Variants in RALYL observed in about 807,000 individuals in gnomAD.
RALYL encodes RALY RNA binding protein like.
RALYL carries 29 observed loss-of-function variants against 35.1 expected under a neutral mutation model. The observed-to-expected ratio is 0.83, with a 90% CI of 0.61 to 1.13. The LOEUF (loss-of-function observed/expected upper bound fraction) is 1.13, where lower values mean the gene tolerates loss of function less well. RALYL is among the 50% of genes most tolerant of loss of function. RALYL has a pLI of 0.00. For missense variants in RALYL, 359 were observed against 360.4 expected (o/e 1.00, Z 0.03); for synonymous variants, 120 against 127.6 (o/e 0.94, Z 0.40).
At chr8:84,584,681 G>A (rs928667537) in intron 2 of RALYL, among the ~76,000 whole-genome samples, 6 of 151,738 alleles carry the variant, frequency 4.0e-5, no homozygotes, top group Non-Finnish European at 4.4e-5. Flanking sequence ...TGAATATTTA[G>A]GTGTGTCTTT....
chr8:84,783,481 C>G (rs1818674443), intron 3 of RALYL, among the ~76,000 whole-genome samples: 1 of 152,176 alleles, frequency 6.6e-6, no homozygotes, highest in Admixed American at 6.5e-5. Context: ...AGAGGATTGA[C>G]AGCACCATTT....
chr8:84,674,793 C>T (rs1212351305), intron 2 of RALYL, among the ~76,000 whole-genome samples: 1 of 152,074 alleles, frequency 6.6e-6, no homozygotes, highest in Non-Finnish European at 1.5e-5. Context: ...TACTTGCTTA[C>T]TAGGTTATTA....
intron 2 of RALYL, among the ~76,000 whole-genome samples, chr8:84,636,867 G>C (rs1482408147): frequency 6.6e-6 from 1 of 151,794 alleles, no homozygotes; most frequent in Non-Finnish European, 1.5e-5. Context: ...TAAAATAACA[G>C]TATCATGTTT....
chr8:84,729,629 A>G (rs1420924769), intron 2 of RALYL, among the ~76,000 whole-genome samples: 1 of 152,192 alleles, frequency 6.6e-6, no homozygotes, highest in East Asian at 1.9e-4. Context: ...AAATTGTTAG[A>G]CCGCTAGCAA....
intron 1 of RALYL, among the ~76,000 whole-genome samples, chr8:84,411,562 A>G (rs1285655084): frequency 6.6e-6 from 1 of 151,838 alleles, no homozygotes; most frequent in Non-Finnish European, 1.5e-5. Flanking sequence ...TCAACCAAAC[A>G]TCTGTCTTCA....
chr8:84,646,690 G>A lies in RALYL; in HGVS notation c.256+117113G>A, dbSNP rs375550665. On this transcript the variant is annotated intron_variant, in intron 2 of 8. Coordinates refer to ENST00000521268, the MANE Select transcript of RALYL (RefSeq NM_173848.7). The stretch of plus-strand genomic sequence containing the variant: ...ATGGTGTTTTGATTGCAGTGTTGTG[G>A]GCGGAGGGATTGGAGTGTTTTATTC... Among the ~76,000 whole-genome samples the A allele has an allele frequency of 1.4e-4, 22 of 152,040 alleles. No homozygotes were observed. In the East Asian group the frequency reaches 3.7e-3, roughly 25 times the overall value.
intron 2 of RALYL, among the ~76,000 whole-genome samples, chr8:84,756,058 T>G (rs1226889802): frequency 6.6e-6 from 1 of 152,076 alleles, no homozygotes; most frequent in Non-Finnish European, 1.5e-5. Context: ...TACATTTTTT[T>G]GAATTTTTGA....
chr8:84,892,525 G>A (rs1415727202), intron 8 of RALYL, among the ~76,000 whole-genome samples: 3 of 151,470 alleles, frequency 2.0e-5, no homozygotes, highest in African/African-American at 4.9e-5. Context: ...CAGGAGAATC[G>A]CTTGAACCCA....
chr8:84,234,526 T>A (rs920647181), intron 1 of RALYL, among the ~76,000 whole-genome samples: 1 of 152,188 alleles, frequency 6.6e-6, no homozygotes, highest in Non-Finnish European at 1.5e-5. Context: ...AAAAAGCATG[T>A]TTCATAACTG....
chr8:84,261,773 ATTT>A, intron 1 of RALYL, among the ~76,000 whole-genome samples: 1 of 152,176 alleles, frequency 6.6e-6, no homozygotes, highest in East Asian at 1.9e-4. Context: ...TGCAAATTTT[ATTT>A]TTAATATGTT....
intron 8 of RALYL, among the ~76,000 whole-genome samples, chr8:84,893,721 C>G (rs959362426): frequency 2.0e-5 from 3 of 152,154 alleles, no homozygotes; most frequent in Admixed American, 6.5e-5. Flanking sequence ...CTTTATCAAA[C>G]CAAGGTTTGA....
intron 8 of RALYL, among the ~76,000 whole-genome samples, chr8:84,901,686 A>C (rs1247676505): frequency 2.6e-5 from 4 of 152,112 alleles, no homozygotes; most frequent in Non-Finnish European, 5.9e-5. Context: ...AGGATGTTTT[A>C]CCCTGAAGCC....
chr8:84,206,667 A>G (rs1445180755), intron 1 of RALYL, among the ~76,000 whole-genome samples: 1 of 152,156 alleles, frequency 6.6e-6, no homozygotes, highest in East Asian at 1.9e-4. Context: ...AGTGGAGGTG[A>G]TATGTGATAG....
At chr8:84,762,957 A>G (rs1198273571) in intron 2 of RALYL, among the ~76,000 whole-genome samples, 1 of 152,174 alleles carries the variant, frequency 6.6e-6, no homozygotes, top group African/African-American at 2.4e-5. Context: ...CTCTTTTCAA[A>G]ACATCTTAAA....
intron 1 of RALYL, among the ~76,000 whole-genome samples, chr8:84,373,823 G>A (rs1856405394): frequency 6.6e-6 from 1 of 151,890 alleles, no homozygotes; most frequent in Non-Finnish European, 1.5e-5. Flanking sequence ...TTATGATACT[G>A]ATTCTTCCTA....
chr8:84,775,039 TC>T (rs1816506811), intron 3 of RALYL, among the ~76,000 whole-genome samples: 1 of 152,150 alleles, frequency 6.6e-6, no homozygotes, highest in South Asian at 2.1e-4. Context: ...AACTTCTGCC[TC>T]CCAGGTTCAA....
At chr8:84,412,739 A>G (rs1039991838) in intron 1 of RALYL, among the ~76,000 whole-genome samples, 1 of 152,050 alleles carries the variant, frequency 6.6e-6, no homozygotes, top group Non-Finnish European at 1.5e-5. Flanking sequence ...TAGAGAGGAA[A>G]TAGATTTAGA....
intron 1 of RALYL, among the ~76,000 whole-genome samples, chr8:84,241,105 C>A (rs1827755483): frequency 1.3e-5 from 2 of 151,882 alleles, no homozygotes. Flanking sequence ...ACTTACTTTG[C>A]TCACTTAAAA....
chr8:84,753,605 T>C (rs892181213), intron 2 of RALYL, among the ~76,000 whole-genome samples: 2 of 152,250 alleles, frequency 1.3e-5, no homozygotes, highest in Middle Eastern at 3.4e-3. Context: ...CCTTTGGTGC[T>C]ATTCTCATAA....
Sources: allele counts gnomAD v4.1 joint callset (sites outside exome capture counted in the v4.1 genomes callset), GRCh38; gene constraint gnomAD v4.1.1; transcripts MANE v1.5; gene names NCBI Gene and HGNC (gene_info 2026-07-23, HGNC 2026-07-21).